Variants in TNPO1 observed in about 807,000 individuals in gnomAD.
TNPO1 encodes the protein transportin-1.
TNPO1 carries 8 observed loss-of-function variants against 119.5 expected under a neutral mutation model. That is an observed-to-expected ratio of 0.07 (90% CI 0.04 to 0.12). The LOEUF (loss-of-function observed/expected upper bound fraction) is 0.12, where lower values mean the gene tolerates loss of function less well. Among genes scored for constraint, TNPO1 ranks in the 10% least tolerant of loss-of-function variants. The pLI, the probability that TNPO1 is intolerant of heterozygous loss-of-function variation, is 1.00. For missense variants in TNPO1, 576 were observed against 1,089.8 expected, an observed-to-expected ratio of 0.53 and a Z score of 6.64; for synonymous variants, 362 against 363.0, an observed-to-expected ratio of 1.00 and a Z score of 0.03.
At chr5:72,877,142 T>C (rs1016985460) in intron 8 of TNPO1, 86 bp from the exon 9 acceptor site, 1 of 641,674 alleles carries the variant, frequency 1.6e-6, no homozygotes, top group Admixed American at 2.8e-5. Flanking sequence ...AACCATAAGG[T>C]CAAAAGCTTG....
In TNPO1 at chr5:72,861,877, G is replaced by A. The variant is rs1303236735; in HGVS notation, c.425G>A (p.Cys142Tyr). 1 of 1,613,508 alleles carries A rather than the reference G, an allele frequency of 6.2e-7. No homozygotes were observed. Among genetic ancestry groups the A allele is most frequent in the South Asian group, 1.1e-5 (1 of 91,080 alleles). ...QNWPDLLPKL[C>Y]SLLDSEDYNT... is the part of the protein sequence containing the mutation. ...TGGCCTGACCTCTTACCAAAACTCTGTAGCCTGTTGGATTCTGAAGATTAT... is the reference window on the plus strand; with the variant it reads ...TGGCCTGACCTCTTACCAAAACTCTATAGCCTGTTGGATTCTGAAGATTAT... Residue 142 changes from cysteine (C) to tyrosine (Y), a missense_variant, in exon 5 of 25, where the codon TGT becomes TAT. Cys to Tyr is a radical substitution (Grantham distance 194, BLOSUM62 -2). This residue lies in a region of TNPO1 where 310 missense variants were observed against 583.0 expected (regional missense o/e 0.53). Transcript: ENST00000337273.
At chr5:72,818,992 A>G (rs1290138673) in intron 1 of TNPO1, among the ~76,000 whole-genome samples, 1 of 152,240 alleles carries the variant, frequency 6.6e-6, no homozygotes, top group East Asian at 1.9e-4. Flanking sequence ...TCACAATGGA[A>G]GACAGATGTT....
chr5:72,896,316 A>G, intron 18 of TNPO1, 142 bp from the exon 19 acceptor site: 1 of 485,904 alleles, frequency 2.1e-6, no homozygotes, highest in South Asian at 3.8e-5. Context: ...CACCAATTTT[A>G]AAATTGATGT....
intron 1 of TNPO1, among the ~76,000 whole-genome samples, chr5:72,826,244 C>T (rs1744201470): frequency 6.6e-6 from 1 of 152,116 alleles, no homozygotes; most frequent in Admixed American, 6.5e-5. Flanking sequence ...TTGCATAGCA[C>T]ATACAACCTT....
In TNPO1 at chr5:72,887,237, A is replaced by C; in HGVS notation, c.1303+15A>C. The C allele has an allele frequency of 8.5e-7, 1 of 1,181,778 alleles. No individual in the cohort carries two copies. 73.2% of individuals were successfully genotyped at this position (1,181,778 alleles called of 1,614,324 possible). On this transcript the variant is annotated intron_variant, in intron 12 of 24. Transcript: ENST00000337273. Reference sequence around the variant, plus strand: ...AATTGCTGAAGGTAAGCCTAAGTCCAGTTTGAATTATGTAAGTTGGCTTCT... The same window carrying C: ...AATTGCTGAAGGTAAGCCTAAGTCCCGTTTGAATTATGTAAGTTGGCTTCT...
intron 18 of TNPO1, 61 bp from the exon 19 acceptor site, chr5:72,896,397 C>T: frequency 4.4e-6 from 5 of 1,135,538 alleles, no homozygotes; most frequent in South Asian, 3.3e-5. Context: ...AGTAGATTTC[C>T]TTTAAAGTAC....
chr5:72,892,285 T>G (rs1449752562), intron 15 of TNPO1, among the ~76,000 whole-genome samples: 2 of 152,114 alleles, frequency 1.3e-5, no homozygotes, highest in Non-Finnish European at 1.5e-5. Flanking sequence ...TTAACTACTT[T>G]TTTTTTTAAC....
At chr5:72,859,743 G>A (rs1746282609) in intron 4 of TNPO1, among the ~76,000 whole-genome samples, 1 of 152,064 alleles carries the variant, frequency 6.6e-6, no homozygotes, top group Non-Finnish European at 1.5e-5. Flanking sequence ...GATTTCTATA[G>A]GATTAATTTG....
chr5:72,872,627 CTT>C lies in TNPO1; in HGVS notation c.597-10_597-9del. Reference sequence around the variant, plus strand: ...CAATGAGCATATGTTAAATTTTAAACTTTGTTTCTAGGTCTCACGCTGTTGCA... The same window carrying C: ...CAATGAGCATATGTTAAATTTTAAACTGTTTCTAGGTCTCACGCTGTTGCA... On this transcript the variant is annotated splice_polypyrimidine_tract_variant and intron_variant, in intron 6 of 24. Transcript: ENST00000337273. 1.3e-6 allele frequency: 2 copies of C among 1,591,866 alleles called. No homozygotes were observed. The highest frequency in any genetic ancestry group is 1.7e-6 in the Non-Finnish European group (2 of 1,168,894).
At chr5:72,844,007 A>T (rs1408249949) in intron 1 of TNPO1, among the ~76,000 whole-genome samples, 3 of 152,238 alleles carry the variant, frequency 2.0e-5, no homozygotes, top group African/African-American at 7.2e-5. Flanking sequence ...AGCACATGGT[A>T]GTTCTACTTA....
chr5:72,876,717 A>G (rs2112387397), intron 8 of TNPO1, among the ~76,000 whole-genome samples: 2 of 152,284 alleles, frequency 1.3e-5, no homozygotes, highest in East Asian at 3.9e-4. Context: ...CAATACATTC[A>G]CTGAACACTT....
At chr5:72,837,048 C>T (rs539121264) in intron 1 of TNPO1, among the ~76,000 whole-genome samples, 1 of 152,302 alleles carries the variant, frequency 6.6e-6, no homozygotes, top group Non-Finnish European at 1.5e-5. Flanking sequence ...TGAGCCCTTA[C>T]CAGAATAGCC....
chr5:72,837,050 A>G (rs1744718924), intron 1 of TNPO1, among the ~76,000 whole-genome samples: 1 of 152,206 alleles, frequency 6.6e-6, no homozygotes, highest in Non-Finnish European at 1.5e-5. Flanking sequence ...AGCCCTTACC[A>G]GAATAGCCCT....
At chr5:72,906,733 T>A (rs1436951339) in intron 24 of TNPO1, among the ~76,000 whole-genome samples, 1 of 152,216 alleles carries the variant, frequency 6.6e-6, no homozygotes, top group African/African-American at 2.4e-5. Flanking sequence ...GGTTTTGTCA[T>A]TGAGTTATGT....
intron 4 of TNPO1, 126 bp downstream of exon 4, chr5:72,856,049 C>T: frequency 2.1e-6 from 2 of 948,106 alleles, no homozygotes; most frequent in Non-Finnish European, 3.2e-6. Flanking sequence ...ACTTTCATTG[C>T]CTTTAAATGC....
At chr5:72,859,995 G>A (rs1483179598) in intron 4 of TNPO1, among the ~76,000 whole-genome samples, 3 of 152,166 alleles carry the variant, frequency 2.0e-5, no homozygotes, top group Non-Finnish European at 4.4e-5. Flanking sequence ...CTTAATGGAA[G>A]GCTATTTTAT....
chr5:72,869,234 T>C (rs979189995), intron 6 of TNPO1, among the ~76,000 whole-genome samples: 17 of 152,024 alleles, frequency 1.1e-4, no homozygotes, highest in African/African-American at 4.1e-4. Context: ...TTACAACATA[T>C]AAAATTGGCA....
chr5:72,866,745 C>A (rs1407571887), intron 6 of TNPO1, among the ~76,000 whole-genome samples: 1 of 151,974 alleles, frequency 6.6e-6, no homozygotes, highest in Non-Finnish European at 1.5e-5. Flanking sequence ...CAGAATGAGA[C>A]CTTGTCTCAA....
chr5:72,893,906 A>T (rs750312511), intron 18 of TNPO1, among the ~76,000 whole-genome samples: 2 of 152,208 alleles, frequency 1.3e-5, no homozygotes, highest in Non-Finnish European at 2.9e-5. Flanking sequence ...CCATCATCTC[A>T]GCTTTTTAGG....
Sources: allele counts gnomAD v4.1 joint callset (sites outside exome capture counted in the v4.1 genomes callset), GRCh38; gene constraint gnomAD v4.1.1; regional missense constraint gnomAD v4.1.1; transcripts MANE v1.5; gene names NCBI Gene and HGNC (gene_info 2026-07-23, HGNC 2026-07-21).